SDK1: variants seen among roughly 807,000 people sequenced by gnomAD.
SDK1 encodes protein sidekick-1.
SDK1 carries 157 observed loss-of-function variants against 245.5 expected under a neutral mutation model. The observed-to-expected ratio is 0.64, with a 90% CI of 0.56 to 0.73. The LOEUF (loss-of-function observed/expected upper bound fraction) is 0.73. Ranked by LOEUF, SDK1 falls within the 30% of genes least tolerant of loss-of-function variation. SDK1 has a pLI of 0.00. For missense variants in SDK1, 3,583 were observed against 3,002.3 expected, an observed-to-expected ratio of 1.19 and a Z score of -4.52; for synonymous variants, 1,647 against 1,278.5, an observed-to-expected ratio of 1.29 and a Z score of -6.15.
intron 35 of SDK1, among the ~76,000 whole-genome samples, chr7:4,204,147 C>T (rs750868551): frequency 2.0e-5 from 3 of 152,258 alleles, no homozygotes; most frequent in Admixed American, 6.5e-5. Flanking sequence ...GTAATGGCCG[C>T]GCTCAATTTT....
intron 4 of SDK1, among the ~76,000 whole-genome samples, chr7:3,718,147 G>A (rs925491722): frequency 6.6e-6 from 1 of 152,074 alleles, no homozygotes; most frequent in African/African-American, 2.4e-5. Context: ...CATACTAACA[G>A]CAGTCCAGAG....
chr7:4,138,995 G>T (rs1779281011), intron 28 of SDK1, among the ~76,000 whole-genome samples: 1 of 152,148 alleles, frequency 6.6e-6, no homozygotes, highest in Non-Finnish European at 1.5e-5. Context: ...TTCAAGGGGT[G>T]CCCCCAACAG....
chr7:3,558,509 AC>A (rs2128625347), intron 1 of SDK1, among the ~76,000 whole-genome samples: 1 of 152,284 alleles, frequency 6.6e-6, no homozygotes, highest in African/African-American at 2.4e-5. Context: ...ACAGCCCTAC[AC>A]TTTTCCAGTC....
chr7:4,236,591 G>A (rs1386170925), intron 41 of SDK1, among the ~76,000 whole-genome samples: 2 of 152,044 alleles, frequency 1.3e-5, no homozygotes, highest in Non-Finnish European at 2.9e-5. Context: ...CCATAGACGT[G>A]CAGACGGCAG....
chr7:3,853,421 A>G (rs1348183167), intron 5 of SDK1, among the ~76,000 whole-genome samples: 5 of 152,058 alleles, frequency 3.3e-5, no homozygotes, highest in Non-Finnish European at 5.9e-5. Flanking sequence ...GTGTGTGTGT[A>G]TGTGTTTAAT....
chr7:3,809,477 C>T (rs1297199984), intron 4 of SDK1, among the ~76,000 whole-genome samples: 2 of 152,192 alleles, frequency 1.3e-5, no homozygotes, highest in African/African-American at 2.4e-5. Flanking sequence ...GCAGGTGCTC[C>T]CGTCTCTGCT....
At chr7:3,768,631 G>T (rs756221635) in intron 4 of SDK1, among the ~76,000 whole-genome samples, 2 of 152,098 alleles carry the variant, frequency 1.3e-5, no homozygotes, top group South Asian at 2.1e-4. Context: ...TAAATTACAC[G>T]CCTAGTCTCA....
At position 3,731,354 on chromosome 7, in the gene SDK1, C is replaced by T. The variant is rs1365728557; in HGVS notation, c.713+89249C>T. 4.6e-5 allele frequency among the ~76,000 whole-genome samples: 7 copies of T among 152,156 alleles called. 1 individual carries two copies. Among genetic ancestry groups the T allele is most frequent in the South Asian group, 4.1e-4 (2 of 4,828 alleles). ...AGTTTGCTGCTGAACCATTAGGAGG[C>T]GAGCCCCGGGACCGTGCCCCGAGTC... On this transcript the variant is annotated intron_variant, in intron 4 of 44. Transcript: ENST00000404826.
intron 5 of SDK1, among the ~76,000 whole-genome samples, chr7:3,861,696 A>T (rs1318850766): frequency 6.6e-6 from 1 of 152,214 alleles, no homozygotes; most frequent in African/African-American, 2.4e-5. Context: ...TAATTCACCA[A>T]GATTGATTTG....
At chr7:3,321,720 C>T (rs1482665471) in intron 1 of SDK1, among the ~76,000 whole-genome samples, 2 of 20,696 alleles carry the variant, frequency 9.7e-5, no homozygotes, top group African/African-American at 3.9e-4. Flanking sequence ...CCCTCCCTCT[C>T]CCCTCTCCCT....
chr7:3,705,000 G>A (rs1784843929), intron 4 of SDK1, among the ~76,000 whole-genome samples: 1 of 152,072 alleles, frequency 6.6e-6, no homozygotes, highest in Non-Finnish European at 1.5e-5. Context: ...TTGATTTTAA[G>A]TATTTGGCTT....
chr7:3,564,438 G>A (rs907005054), intron 1 of SDK1, among the ~76,000 whole-genome samples: 4 of 152,042 alleles, frequency 2.6e-5, no homozygotes, highest in South Asian at 2.1e-4. Context: ...GCAGTGAGCC[G>A]AGATTGCGCA....
At chr7:3,301,945 G>T in intron 1 of SDK1, 61 bp downstream of exon 1, 1 of 1,065,532 alleles carries the variant, frequency 9.4e-7, no homozygotes, top group Non-Finnish European at 1.1e-6. Context: ...GCGCGAACTT[G>T]AGCAGCGAGA....
intron 4 of SDK1, among the ~76,000 whole-genome samples, chr7:3,707,035 T>C (rs1361349122): frequency 1.3e-5 from 2 of 152,214 alleles, no homozygotes; most frequent in African/African-American, 4.8e-5. Context: ...GTTTTTGTTT[T>C]TTGTTTCAAT....
At chr7:3,918,355 C>A (rs1313215062) in intron 5 of SDK1, among the ~76,000 whole-genome samples, 1 of 152,202 alleles carries the variant, frequency 6.6e-6, no homozygotes, top group Non-Finnish European at 1.5e-5. Context: ...CACCAGAGCT[C>A]CGCCCCCTGT....
At chr7:3,641,801 C>T (rs930991322) in intron 3 of SDK1, among the ~76,000 whole-genome samples, 157 bp from the exon 4 acceptor site, 5 of 152,238 alleles carry the variant, frequency 3.3e-5, no homozygotes, top group African/African-American at 7.2e-5. Flanking sequence ...CAAGCAGATC[C>T]GCGTTGGTCA....
chr7:3,416,414 C>T (rs1004201496), intron 1 of SDK1, among the ~76,000 whole-genome samples: 3 of 151,054 alleles, frequency 2.0e-5, no homozygotes, highest in Non-Finnish European at 2.9e-5. Context: ...AAGCTCGGGG[C>T]TTGACATTAA....
intron 14 of SDK1, among the ~76,000 whole-genome samples, chr7:3,995,029 ACTT>A (rs1388512153): frequency 3.9e-5 from 6 of 152,212 alleles, no homozygotes; most frequent in Middle Eastern, 3.4e-3. Context: ...TGCCAGCCCT[ACTT>A]CTTCCGTATA....
intron 1 of SDK1, among the ~76,000 whole-genome samples, chr7:3,591,382 C>T (rs1017123636): frequency 6.6e-6 from 1 of 152,206 alleles, no homozygotes; most frequent in Admixed American, 6.5e-5. Context: ...ATCTGATTGA[C>T]CTGGGAAGGA....
Sources: allele counts gnomAD v4.1 joint callset (sites outside exome capture counted in the v4.1 genomes callset), GRCh38; gene constraint gnomAD v4.1.1; transcripts MANE v1.5; gene names NCBI Gene and HGNC (gene_info 2026-07-23, HGNC 2026-07-21).